NAV2: variants seen among roughly 807,000 people sequenced by gnomAD.
NAV2 encodes helicase, APC down-regulated 1.
In NAV2, 54 loss-of-function variants were observed where a neutral mutation model predicts 223.2. The observed-to-expected ratio is 0.24, with a 90% CI of 0.19 to 0.30. NAV2 has a LOEUF of 0.30. NAV2 is among the 10% of genes least tolerant of loss of function. The probability of loss-of-function intolerance (pLI) is 1.00; values close to 1 mark genes in which losing one functional copy is unlikely to be tolerated. For missense variants in NAV2, 2,806 were observed against 3,147.5 expected (o/e 0.89, Z 2.60); for synonymous variants, 1,279 against 1,239.3 (o/e 1.03, Z -0.67).
At chr11:19,971,136 C>T (rs1305775286) in intron 10 of NAV2, among the ~76,000 whole-genome samples, 3 of 152,138 alleles carry the variant, frequency 2.0e-5, no homozygotes, top group African/African-American at 7.2e-5. Context: ...AGCACATCAT[C>T]TGGTTTTGGG....
rs144510901 is a variant in NAV2 at position 20,090,898 on chromosome 11, C to T, written c.5532C>T (p.Thr1844=). ...AATGCATGGATAGTGAAGCTGAGACCGTCATGCAGCTCCGAAATGAGTTAA... is the reference window on the plus strand; with the variant it reads ...AATGCATGGATAGTGAAGCTGAGACTGTCATGCAGCTCCGAAATGAGTTAA... ...ISECMDSEAE[T]VMQLRNELRD... is the part of the protein sequence containing the mutation. The change falls in exon 27 of 38, where the codon ACC becomes ACT. Residue 1844 remains threonine, a synonymous_variant. Coordinates refer to ENST00000349880, the MANE Select transcript of NAV2 (RefSeq NM_145117.5). 9.6e-5 allele frequency: 155 copies of T among 1,613,968 alleles called. No individual in the cohort carries two copies. In the African/African-American group the frequency reaches 1.3e-3, roughly 13 times the overall value.
intron 10 of NAV2, among the ~76,000 whole-genome samples, chr11:19,969,318 G>C (rs1438343153): frequency 5.3e-5 from 8 of 152,156 alleles, no homozygotes; most frequent in Admixed American, 5.2e-4. Flanking sequence ...CTGGAGCCAT[G>C]CTGTCCCTTA....
chr11:19,778,641 G>A (rs930768876), intron 1 of NAV2, among the ~76,000 whole-genome samples: 2 of 152,114 alleles, frequency 1.3e-5, no homozygotes, highest in African/African-American at 4.8e-5. Context: ...TGGAAAAATG[G>A]CACCTTGCTT....
At chr11:19,724,489 A>G (rs190500282) in intron 1 of NAV2, among the ~76,000 whole-genome samples, 2 of 152,288 alleles carry the variant, frequency 1.3e-5, no homozygotes, top group African/African-American at 4.8e-5. Flanking sequence ...CTGGCATTAC[A>G]GGTGTGAGCC....
At chr11:20,044,876 C>A in intron 13 of NAV2, 92 bp from the exon 14 acceptor site, 5 of 1,050,188 alleles carry the variant, frequency 4.8e-6, no homozygotes, top group Non-Finnish European at 5.5e-6. Context: ...GAAAAGTGAA[C>A]CAGCTCTTCA....
chr11:19,657,844 A>G (rs565672914), intron 1 of NAV2, among the ~76,000 whole-genome samples: 1 of 152,296 alleles, frequency 6.6e-6, no homozygotes, highest in South Asian at 2.1e-4. Flanking sequence ...AGGGGAGCCC[A>G]GGGTGATGGA....
At chr11:19,838,309 A>T (rs1486687610) in intron 2 of NAV2, among the ~76,000 whole-genome samples, 1 of 152,052 alleles carries the variant, frequency 6.6e-6, no homozygotes, top group Non-Finnish European at 1.5e-5. Context: ...CCGACCTATG[A>T]TGGAGTGGGG....
chr11:19,785,775 G>A (rs2057071135), intron 1 of NAV2, among the ~76,000 whole-genome samples: 2 of 152,024 alleles, frequency 1.3e-5, no homozygotes, highest in South Asian at 4.1e-4. Context: ...CTGTCTCACT[G>A]TCTCTCTTGT....
At chr11:19,620,293 G>GA in intron 1 of NAV2, among the ~76,000 whole-genome samples, 1 of 152,210 alleles carries the variant, frequency 6.6e-6, no homozygotes, top group Non-Finnish European at 1.5e-5. Context: ...CCAATTCTGT[G>GA]AAAAAAGTCA....
At chr11:19,409,691 C>T (rs767570300) in intron 1 of NAV2, among the ~76,000 whole-genome samples, 15 of 152,182 alleles carry the variant, frequency 9.9e-5, no homozygotes, top group Non-Finnish European at 2.1e-4. Flanking sequence ...GATTCACCTT[C>T]ACTATTTAAT....
intron 1 of NAV2, among the ~76,000 whole-genome samples, chr11:19,755,557 A>G (rs1046956460): frequency 5.3e-5 from 8 of 152,164 alleles, no homozygotes; most frequent in African/African-American, 1.9e-4. Flanking sequence ...TTCCTTCTAG[A>G]GCCTCTGGGG....
At chr11:19,573,853 C>A (rs968004308) in intron 1 of NAV2, among the ~76,000 whole-genome samples, 1 of 152,144 alleles carries the variant, frequency 6.6e-6, no homozygotes, top group African/African-American at 2.4e-5. Context: ...GTGGGAGGCT[C>A]TTGGCAAGGG....
chr11:19,668,918 T>C (rs571587351), intron 1 of NAV2, among the ~76,000 whole-genome samples: 8 of 152,324 alleles, frequency 5.3e-5, no homozygotes, highest in Admixed American at 2.0e-4. Flanking sequence ...TGTTTCCCTA[T>C]ACATGACAGG....
At chr11:19,562,510 G>C (rs1329078454) in intron 1 of NAV2, among the ~76,000 whole-genome samples, 1 of 151,774 alleles carries the variant, frequency 6.6e-6, no homozygotes, top group South Asian at 2.1e-4. Context: ...TTTTTTTTCA[G>C]TTTCAAGTTT....
intron 1 of NAV2, among the ~76,000 whole-genome samples, chr11:19,441,403 C>T (rs959961745): frequency 4.6e-5 from 7 of 151,264 alleles, no homozygotes; most frequent in African/African-American, 1.2e-4. Context: ...GAGAACAGAT[C>T]GGAGAGGTAC....
intron 1 of NAV2, among the ~76,000 whole-genome samples, chr11:19,551,599 G>A (rs1018800995): frequency 1.3e-5 from 2 of 152,236 alleles, no homozygotes; most frequent in Admixed American, 1.3e-4. Context: ...CAAAGCTGAT[G>A]GAGGTTATAC....
intron 1 of NAV2, among the ~76,000 whole-genome samples, chr11:19,736,282 G>A (rs1262645718): frequency 1.3e-5 from 2 of 152,176 alleles, no homozygotes; most frequent in African/African-American, 4.8e-5. Flanking sequence ...TTCCACTGCT[G>A]CTAGGATTAA....
intron 7 of NAV2, among the ~76,000 whole-genome samples, chr11:19,936,026 ATTT>A (rs11315576): frequency 1.4e-5 from 2 of 139,438 alleles, no homozygotes; most frequent in Non-Finnish European, 3.1e-5. Context: ...TGCCTGGCTA[ATTT>A]TTTTTTTTTT....
At chr11:19,762,297 C>G (rs549215258) in intron 1 of NAV2, among the ~76,000 whole-genome samples, 1 of 152,318 alleles carries the variant, frequency 6.6e-6, no homozygotes, top group Non-Finnish European at 1.5e-5. Flanking sequence ...CAAACCCACA[C>G]ACACATGCCG....
Sources: allele counts gnomAD v4.1 joint callset (sites outside exome capture counted in the v4.1 genomes callset), GRCh38; gene constraint gnomAD v4.1.1; transcripts MANE v1.5; gene names NCBI Gene and HGNC (gene_info 2026-07-23, HGNC 2026-07-21).